Variants in DAB1 observed in about 807,000 individuals in gnomAD.
DAB1 encodes DAB adaptor protein 1.
Under a neutral mutation model 64.6 loss-of-function variants are expected in DAB1, and 15 were observed. The ratio of observed to expected loss-of-function variants is 0.23; its 90% CI spans 0.16 to 0.36. The LOEUF (loss-of-function observed/expected upper bound fraction) is 0.36. Ranked by LOEUF, DAB1 falls within the 10% of genes least tolerant of loss-of-function variation. The probability of loss-of-function intolerance (pLI) is 1.00; values close to 1 mark genes in which losing one functional copy is unlikely to be tolerated. For synonymous variants in DAB1, 235 were observed against 251.9 expected, an observed-to-expected ratio of 0.93 and a Z score of 0.64; for missense variants, 596 against 706.7, an observed-to-expected ratio of 0.84 and a Z score of 1.78.
At chr1:57,337,913 C>T (rs1345408297) in intron 1 of DAB1, among the ~76,000 whole-genome samples, 2 of 139,174 alleles carry the variant, frequency 1.4e-5, no homozygotes, top group Non-Finnish European at 3.1e-5. Context: ...TTCCCTCCTT[C>T]CTTGCTTCCT....
intron 4 of DAB1, among the ~76,000 whole-genome samples, chr1:58,300,572 GA>G (rs1662103379): frequency 7.2e-5 from 1 of 13,912 alleles, no homozygotes; most frequent in Non-Finnish European, 1.4e-4. Flanking sequence ...AAGAAAGAAA[GA>G]AAGAAAGAAA....
At chr1:57,879,963 G>A (rs951350306) in intron 1 of DAB1, among the ~76,000 whole-genome samples, 5 of 152,164 alleles carry the variant, frequency 3.3e-5, no homozygotes, top group African/African-American at 7.2e-5. Flanking sequence ...TCCTGCTGAC[G>A]CTAATTACAG....
chr1:57,818,792 G>A (rs900230739), intron 6 of DAB1, among the ~76,000 whole-genome samples: 3 of 150,544 alleles, frequency 2.0e-5, no homozygotes, highest in Non-Finnish European at 3.0e-5. Context: ...TGTATATAAT[G>A]TGTGTGTATA....
At chr1:57,373,492 T>C (rs912842952) in intron 1 of DAB1, among the ~76,000 whole-genome samples, 6 of 152,094 alleles carry the variant, frequency 3.9e-5, no homozygotes, top group Non-Finnish European at 8.8e-5. Flanking sequence ...AAGGCACCAT[T>C]GGAAAGCATT....
intron 5 of DAB1, among the ~76,000 whole-genome samples, chr1:57,918,453 G>A (rs1490122435): frequency 6.6e-6 from 1 of 152,106 alleles, no homozygotes. Context: ...GGGGTGTCCT[G>A]CCTTTGTAAC....
intron 5 of DAB1, among the ~76,000 whole-genome samples, chr1:58,015,975 T>C (rs559530915): frequency 5.4e-4 from 82 of 152,108 alleles, no homozygotes; most frequent in African/African-American, 1.7e-3. Context: ...TCTGCTGTCA[T>C]TTTGCAGTGA....
chr1:57,646,228 A>G (rs1646189950), intron 7 of DAB1, among the ~76,000 whole-genome samples: 1 of 152,212 alleles, frequency 6.6e-6, no homozygotes, highest in South Asian at 2.1e-4. Flanking sequence ...AAGTAATTCT[A>G]AAAGGTAATG....
chr1:57,258,908 T>C (rs1050649469), intron 2 of DAB1, among the ~76,000 whole-genome samples: 1 of 152,094 alleles, frequency 6.6e-6, no homozygotes, highest in Non-Finnish European at 1.5e-5. Context: ...GCTGGGGAGC[T>C]AATTGTATCA....
upstream of DAB1, among the ~76,000 whole-genome samples, chr1:57,886,289 C>A (rs1238112957): frequency 6.6e-6 from 1 of 151,788 alleles, no homozygotes; most frequent in East Asian, 1.9e-4. Context: ...CTCTGGAGTA[C>A]CTGGGATTTT....
At chr1:57,695,365 A>AAAAGAAAAG (rs1557427775) in intron 6 of DAB1, among the ~76,000 whole-genome samples, 1 of 36,912 alleles carries the variant, frequency 2.7e-5, no homozygotes. Flanking sequence ...AAGAAAGAAG[A>AAAAGAAAAG]AAGAAAGAAA....
At chr1:57,064,818 G>T (rs904895749) in intron 8 of DAB1, among the ~76,000 whole-genome samples, 1 of 152,198 alleles carries the variant, frequency 6.6e-6, no homozygotes, top group African/African-American at 2.4e-5. Flanking sequence ...GATCTTGCAA[G>T]CTTCACTGTG....
intron 4 of DAB1, among the ~76,000 whole-genome samples, chr1:58,337,797 G>C (rs1037446198): frequency 2.6e-5 from 4 of 152,180 alleles, no homozygotes; most frequent in African/African-American, 9.7e-5. Context: ...AACCCGGAGA[G>C]ACAGTGGTTT....
chr1:57,223,286 G>A (rs1005430481), intron 2 of DAB1, among the ~76,000 whole-genome samples: 4 of 152,182 alleles, frequency 2.6e-5, no homozygotes, highest in African/African-American at 7.2e-5. Context: ...TTCCAGAAGC[G>A]TAGCACATCT....
rs1484012861 is a variant in DAB1 at position 57,072,286 on chromosome 1, C to A, written c.435G>T (p.Gln145His). 2 of 1,613,510 alleles carry A rather than the reference C, an allele frequency of 1.2e-6. No homozygotes were observed. Among genetic ancestry groups the A allele is most frequent in the South Asian group, 2.2e-5 (2 of 91,064 alleles). The part of the protein sequence containing the change: ...NHRFVAIKTA[Q>H]AAEPVILDLR... ...CTTCTTGGATAGGGATACTCACCGCCTGGGCTGTTTTTATGGCCACAAATC... is the reference window on the plus strand; with the variant it reads ...CTTCTTGGATAGGGATACTCACCGCATGGGCTGTTTTTATGGCCACAAATC... The change falls in exon 5 of 15, where the codon CAG (glutamine) becomes CAT (histidine). Residue 145 changes from glutamine to histidine, a missense_variant. Coordinates refer to ENST00000371236, the MANE Select transcript of DAB1 (RefSeq NM_001365792.1).
At chr1:58,458,836 A>AC (rs1645216577) in intron 3 of DAB1, among the ~76,000 whole-genome samples, 2 of 152,036 alleles carry the variant, frequency 1.3e-5, no homozygotes, top group Non-Finnish European at 2.9e-5. Context: ...CAAACAAAAA[A>AC]AAAAAACGGT....
chr1:58,056,956 C>T (rs191524159), intron 5 of DAB1, among the ~76,000 whole-genome samples: 3 of 151,770 alleles, frequency 2.0e-5, no homozygotes, highest in Admixed American at 2.0e-4. Flanking sequence ...ACTGCTGTAA[C>T]TCGTATGTTT....
intron 4 of DAB1, among the ~76,000 whole-genome samples, chr1:58,306,435 T>C (rs1223110622): frequency 6.6e-6 from 1 of 152,210 alleles, no homozygotes; most frequent in Non-Finnish European, 1.5e-5. Flanking sequence ...CAGGACGCTT[T>C]GAGTTGGTAG....
intron 3 of DAB1, among the ~76,000 whole-genome samples, chr1:58,347,287 T>C (rs1457793991): frequency 6.6e-6 from 1 of 152,148 alleles, no homozygotes; most frequent in Non-Finnish European, 1.5e-5. Flanking sequence ...TTTTTGTATT[T>C]AGTAGAGATG....
chr1:58,460,030 G>C (rs1645228049), intron 3 of DAB1, among the ~76,000 whole-genome samples: 1 of 152,142 alleles, frequency 6.6e-6, no homozygotes, highest in Non-Finnish European at 1.5e-5. Flanking sequence ...GACTAAGAGA[G>C]GATTTATACT....
Sources: allele counts gnomAD v4.1 joint callset (sites outside exome capture counted in the v4.1 genomes callset), GRCh38; gene constraint gnomAD v4.1.1; transcripts MANE v1.5; gene names NCBI Gene and HGNC (gene_info 2026-07-23, HGNC 2026-07-21).